MTDH: variants seen among roughly 807,000 people sequenced by gnomAD.
MTDH encodes metadherin.
A neutral mutation model predicts 72.7 loss-of-function variants in MTDH; 34 were observed. The observed-to-expected ratio is 0.47, with a 90% CI of 0.36 to 0.62. The LOEUF (loss-of-function observed/expected upper bound fraction) is 0.62, where lower values mean the gene tolerates loss of function less well. Among genes scored for constraint, MTDH ranks in the 20% least tolerant of loss-of-function variants. MTDH has a pLI of 0.00. For synonymous variants in MTDH, 266 were observed against 268.9 expected (o/e 0.99, Z 0.10); for missense variants, 677 against 699.4 (o/e 0.97, Z 0.36).
chr8:97,660,412 C>G (rs1237695295), intron 1 of MTDH, among the ~76,000 whole-genome samples: 1 of 152,102 alleles, frequency 6.6e-6, no homozygotes, highest in African/African-American at 2.4e-5. Context: ...TATGTATCAT[C>G]TATGGCTGCT....
chr8:97,644,788 C>A lies in MTDH; in HGVS notation c.282C>A (p.Ala94=). The A allele has an allele frequency of 6.5e-7, 1 of 1,548,028 alleles. No individual in the cohort carries two copies. The part of the protein sequence containing the change: ...SPPRKREEAA[A]VPAAAPDDLA... ...CCCGCAAGCGGGAGGAGGCGGCGGC[C>A]GTGCCGGCCGCGGCCCCCGACGACC... The change falls in exon 1 of 12, where the codon GCC becomes GCA. Residue 94 remains alanine (A), a synonymous_variant. Coordinates refer to ENST00000336273, the MANE Select transcript of MTDH (RefSeq NM_178812.4).
intron 8 of MTDH, among the ~76,000 whole-genome samples, chr8:97,709,764 G>A (rs912073156): frequency 6.6e-6 from 1 of 152,132 alleles, no homozygotes; most frequent in Non-Finnish European, 1.5e-5. Context: ...GTTACCATTA[G>A]GAAGGTACTG....
intron 9 of MTDH, among the ~76,000 whole-genome samples, chr8:97,715,125 CTTAT>C (rs971301632): frequency 2.7e-5 from 4 of 150,652 alleles, no homozygotes; most frequent in Admixed American, 1.3e-4. Flanking sequence ...CACGCCCAGC[CTTAT>C]TTATTTATTT....
In MTDH at chr8:97,725,050, C is replaced by T. The variant is rs1156277064; in HGVS notation, c.*380C>T. 6.4e-6 allele frequency: 1 copy of T among 157,446 alleles called. No individual in the cohort carries two copies. The allele number at this position is 157,446 out of a possible 1,614,324, so 9.8% of individuals were successfully genotyped here. ...TTGCCTACAGATTAGTAAGCAATTC[C>T]TTGGATCTTATGCACAGAACTTGTA... is the stretch of plus-strand genomic sequence containing the variant. On this transcript the variant is annotated 3_prime_UTR_variant, in exon 12 of 12. Transcript: ENST00000336273.
At chr8:97,680,643 T>C (rs1272140003) in intron 2 of MTDH, among the ~76,000 whole-genome samples, 2 of 152,236 alleles carry the variant, frequency 1.3e-5, no homozygotes, top group African/African-American at 2.4e-5. Context: ...GAAGACATAA[T>C]GTGAAATTTA....
In MTDH at chr8:97,699,805, A is replaced by T. The variant is rs1423367834; in HGVS notation, c.1100A>T (p.Asp367Val). 1 of 1,613,476 alleles carries T rather than the reference A, an allele frequency of 6.2e-7. No individual in the cohort carries two copies. Among genetic ancestry groups the T allele is most frequent in the Non-Finnish European group, 8.5e-7 (1 of 1,179,582 alleles). ...TCTACCACTTCTGATTATCAGTGGG[A>T]TGTTAGCCGTAATCAACCCTATATC... ...SQSTTSDYQW[D>V]VSRNQPYIDD... The change falls in exon 7 of 12, where the codon GAT (aspartate) becomes GTT (valine). Residue 367 changes from aspartate (D) to valine (V), a missense_variant. By Grantham distance (152) the Asp-to-Val change is radical. Coordinates refer to ENST00000336273, the MANE Select transcript of MTDH (RefSeq NM_178812.4).
At chr8:97,692,237 T>C (rs1003201948) in intron 6 of MTDH, among the ~76,000 whole-genome samples, 2 of 152,178 alleles carry the variant, frequency 1.3e-5, no homozygotes, top group Admixed American at 6.5e-5. Flanking sequence ...AATATGCATG[T>C]TTATGTCTCC....
chr8:97,664,651 G>A (rs550943857), intron 2 of MTDH, among the ~76,000 whole-genome samples: 1 of 152,294 alleles, frequency 6.6e-6, no homozygotes, highest in South Asian at 2.1e-4. Context: ...ATTGCACTAT[G>A]TGTGTATTGC....
At chr8:97,659,838 G>C (rs1812112316) in intron 1 of MTDH, among the ~76,000 whole-genome samples, 1 of 152,176 alleles carries the variant, frequency 6.6e-6, no homozygotes, top group African/African-American at 2.4e-5. Context: ...TCAGTCTGGT[G>C]ATGGGGCTCA....
At chr8:97,651,934 A>G (rs1215170560) in intron 1 of MTDH, among the ~76,000 whole-genome samples, 3 of 152,206 alleles carry the variant, frequency 2.0e-5, no homozygotes, top group African/African-American at 7.2e-5. Flanking sequence ...AAAATAGAAG[A>G]ATCATCCTTG....
intron 8 of MTDH, among the ~76,000 whole-genome samples, chr8:97,708,832 T>C (rs1814495928): frequency 6.6e-6 from 1 of 151,744 alleles, no homozygotes. Context: ...ACTCCTGACC[T>C]CAAGTGATCT....
intron 9 of MTDH, 128 bp from the exon 10 acceptor site, chr8:97,718,921 C>T (rs1162431137): frequency 1.3e-6 from 1 of 763,388 alleles, no homozygotes; most frequent in Non-Finnish European, 2.0e-6. Context: ...GTCTCAAATT[C>T]CTGAGCTCAA....
rs938527102 is a variant in MTDH at position 97,681,407 on chromosome 8, G to GT, written c.484-5250dup. On this transcript the variant is annotated intron_variant, in intron 2 of 11. Transcript: ENST00000336273. The stretch of plus-strand genomic sequence containing the variant: ...TAAAAGGTAGGAAATATCTGCAGCG[G>GT]TTTTTTTTTTTAAAGTAAGAATGAA... 2.4e-3 allele frequency among the ~76,000 whole-genome samples: 344 copies of GT among 144,652 alleles called. 2 individuals carry two copies. The highest frequency in any genetic ancestry group is 6.4e-3 in the East Asian group (32 of 4,976). The allele number at this position is 144,652 out of a possible 152,430, so 94.9% of individuals were successfully genotyped here. A position where few individuals can be genotyped will look rare whatever the true frequency, so the allele number is the denominator to read the frequency against.
rs141339814 is a variant in MTDH at position 97,668,851 on chromosome 8, G to A, written c.483+7678G>A. 2.8e-3 allele frequency among the ~76,000 whole-genome samples: 420 copies of A among 152,026 alleles called. 3 individuals carry two copies. Among genetic ancestry groups the A allele is most frequent in the African/African-American group, 9.5e-3 (395 of 41,456 alleles). On this transcript the variant is annotated intron_variant, in intron 2 of 11. Transcript: ENST00000336273. The stretch of plus-strand genomic sequence containing the variant: ...ATTACAGGCATGAGCCACCGCGCCC[G>A]GCCATGTAACAACTTTTATAAAGTT...
chr8:97,699,792 G>A lies in MTDH; in HGVS notation c.1087G>A (p.Asp363Asn). 6.2e-7 allele frequency: 1 copy of A among 1,613,166 alleles called. No individual in the cohort carries two copies. Among genetic ancestry groups the A allele is most frequent in the Non-Finnish European group, 8.5e-7 (1 of 1,179,336 alleles). Residue 363 changes from aspartate to asparagine, a missense_variant, in exon 7 of 12, where the codon GAT (aspartate) becomes AAT (asparagine). By Grantham distance (23) the Asp-to-Asn change is conservative. Coordinates refer to ENST00000336273, the MANE Select transcript of MTDH (RefSeq NM_178812.4). The stretch of plus-strand genomic sequence containing the variant: ...GCCAGTTTCTCAGTCTACCACTTCT[G>A]ATTATCAGTGGGATGTTAGCCGTAA... ...AEPVSQSTTSDYQWDVSRNQP... is the reference protein window; with the variant it reads ...AEPVSQSTTSNYQWDVSRNQP...
At chr8:97,708,078 C>T (rs1170949473) in intron 8 of MTDH, among the ~76,000 whole-genome samples, 5 of 151,400 alleles carry the variant, frequency 3.3e-5, no homozygotes, top group African/African-American at 1.2e-4. Flanking sequence ...AAGCAATTCT[C>T]GTGCCTCAGC....
chr8:97,708,124 T>C (rs1814439734), intron 8 of MTDH, among the ~76,000 whole-genome samples: 1 of 151,966 alleles, frequency 6.6e-6, no homozygotes, highest in African/African-American at 2.4e-5. Context: ...CCTGCCACCA[T>C]GCCCGGCTAA....
At chr8:97,687,355 A>G (rs902899556) in intron 3 of MTDH, 74 bp from the exon 4 acceptor site, 4 of 1,337,926 alleles carry the variant, frequency 3.0e-6, no homozygotes, top group Admixed American at 2.4e-5. Context: ...GCTCCACCCC[A>G]TATTCTCCCC....
rs1401540490 is a variant in MTDH at position 97,725,405 on chromosome 8, C to T, written c.*735C>T. On this transcript the variant is annotated 3_prime_UTR_variant, in exon 12 of 12. Transcript: ENST00000336273. ...TTGTTTTATACATTTAAGGCTTAGACTCATAAATAATGCTATTGTTTATGA... is the reference window on the plus strand; with the variant it reads ...TTGTTTTATACATTTAAGGCTTAGATTCATAAATAATGCTATTGTTTATGA... 1.3e-5 allele frequency: 2 copies of T among 152,518 alleles called. No homozygotes were observed. Among genetic ancestry groups the T allele is most frequent in the African/African-American group, 4.8e-5 (2 of 41,442 alleles). 9.4% of individuals were successfully genotyped at this position (152,518 alleles called of 1,614,324 possible).
Sources: gnomAD v4.1 joint callset for allele counts (sites outside exome capture counted in the v4.1 genomes callset) on GRCh38, gnomAD v4.1.1 for gene constraint, MANE v1.5 for transcripts, NCBI Gene and HGNC (gene_info 2026-07-23, HGNC 2026-07-21) for gene names.